STK3: variants seen among roughly 807,000 people sequenced by gnomAD.
The protein encoded by STK3 is serine/threonine-protein kinase 3.
Under a neutral mutation model 58.0 loss-of-function variants are expected in STK3, and 41 were observed. That is an observed-to-expected ratio of 0.71 (90% CI 0.55 to 0.92). The LOEUF is 0.92. STK3 is among the 40% of genes least tolerant of loss of function. The pLI is 0.00. For synonymous variants in STK3, 170 were observed against 191.0 expected, an observed-to-expected ratio of 0.89 and a Z score of 0.91; for missense variants, 479 against 602.7, an observed-to-expected ratio of 0.79 and a Z score of 2.15.
intron 7 of STK3, among the ~76,000 whole-genome samples, chr8:98,589,343 T>C (rs1357524338): frequency 6.6e-6 from 1 of 152,206 alleles, no homozygotes; most frequent in Non-Finnish European, 1.5e-5. Context: ...GCAGGTCTGT[T>C]GGAGTAACCT....
chr8:98,820,859 T>C (rs1834851707), intron 1 of STK3, among the ~76,000 whole-genome samples: 1 of 152,072 alleles, frequency 6.6e-6, no homozygotes, highest in Non-Finnish European at 1.5e-5. Flanking sequence ...GCGCCTGCAG[T>C]CCCAGCTACT....
intron 9 of STK3, among the ~76,000 whole-genome samples, chr8:98,531,052 G>A (rs569118116): frequency 3.3e-5 from 5 of 152,280 alleles, no homozygotes; most frequent in African/African-American, 1.2e-4. Context: ...AGTCATCCAT[G>A]AGGGTTGGAA....
chr8:98,470,429 T>G (rs979200200), intron 10 of STK3, among the ~76,000 whole-genome samples: 7 of 152,188 alleles, frequency 4.6e-5, no homozygotes, highest in Non-Finnish European at 8.8e-5. Flanking sequence ...ACAGTCATAG[T>G]CTTAATCATT....
rs533463436 is a variant in STK3 at position 98,446,966 on chromosome 8, C to T, written n.186-9758G>A. On this transcript the variant is annotated intron_variant and non_coding_transcript_variant, in intron 1 of 3. Transcript: ENST00000517832. ...CATGGATGGAGTTGGAAGCCATTAT[C>T]GTTAGCAAACAAACACAGGAACAGA... 7.7e-4 allele frequency among the ~76,000 whole-genome samples: 117 copies of T among 152,184 alleles called. 1 individual carries two copies. Among genetic ancestry groups the T allele is most frequent in the African/African-American group, 2.6e-3 (107 of 41,522 alleles).
intron 3 of STK3, among the ~76,000 whole-genome samples, chr8:98,835,429 C>T (rs1006872262): frequency 6.6e-6 from 1 of 152,168 alleles, no homozygotes; most frequent in Admixed American, 6.5e-5. Context: ...GGCTCCTGCA[C>T]CCAGGGCTGC....
At chr8:98,882,450 C>A (rs1188466261), downstream of STK3, 4 of 140,944 alleles carry the variant, frequency 2.8e-5, no homozygotes, top group Non-Finnish European at 4.5e-5. Flanking sequence ...CAGTCTTGCT[C>A]TGTTGCACAG....
intron 6 of STK3, among the ~76,000 whole-genome samples, chr8:98,665,332 A>T (rs1822256721): frequency 6.6e-6 from 1 of 152,206 alleles, no homozygotes; most frequent in Non-Finnish European, 1.5e-5. Flanking sequence ...TCAAAATTTT[A>T]AAATGTCATC....
chr8:98,663,087 G>C (rs563885886), intron 6 of STK3, among the ~76,000 whole-genome samples: 15 of 152,216 alleles, frequency 9.9e-5, no homozygotes, highest in Admixed American at 3.9e-4. Flanking sequence ...CCAGAGTGAA[G>C]AGGCAACCTA....
chr8:98,930,104 C>T (rs1309427611), intron 1 of STK3, among the ~76,000 whole-genome samples: 1 of 152,134 alleles, frequency 6.6e-6, no homozygotes, highest in East Asian at 1.9e-4. Context: ...CTAGTCCCAT[C>T]CTGGGCTCAC....
In STK3 at chr8:98,835,385, G is replaced by A. The variant is rs183637423; in HGVS notation, c.110+48262C>T. Among the ~76,000 whole-genome samples the A allele has an allele frequency of 2.3e-4, 35 of 152,282 alleles. No homozygotes were observed. The East Asian group carries it at 5.4e-3, about 24-fold the overall frequency. On this transcript the variant is annotated intron_variant, in intron 3 of 12. Coordinates refer to the STK3 transcript ENST00000523601. ...TGGAGAGACATTGCAAAAGAAAAAGGTTTCCTTCCTGGTGGGCATATGTTC... is the reference window on the plus strand; with the variant it reads ...TGGAGAGACATTGCAAAAGAAAAAGATTTCCTTCCTGGTGGGCATATGTTC...
At chr8:98,376,949 A>G (rs1000944993) in intron 2 of STK3, among the ~76,000 whole-genome samples, 2 of 152,114 alleles carry the variant, frequency 1.3e-5, no homozygotes, top group African/African-American at 2.4e-5. Context: ...AACTTTTACC[A>G]TTGACATCTT....
At chr8:98,420,497 A>G (rs1263014950) in intron 3 of STK3, among the ~76,000 whole-genome samples, 1 of 152,224 alleles carries the variant, frequency 6.6e-6, no homozygotes, top group Non-Finnish European at 1.5e-5. Context: ...GATTGGTACT[A>G]TCTGTAGTTT....
rs2515215 is a variant in STK3 at position 98,800,665 on chromosome 8, T to C, written c.26+24850A>G. On this transcript the variant is annotated intron_variant, in intron 1 of 10. Transcript: ENST00000419617. This position sits in a 1 kb window ranked among gnomAD's most constrained non-coding sequence, Gnocchi z 4.8. ...GAGTTCCGGGTGGGTGTGGGCTTGATGGGCCCCGCACTCAGAGTGGCCAGC... is the reference window on the plus strand; with the variant it reads ...GAGTTCCGGGTGGGTGTGGGCTTGACGGGCCCCGCACTCAGAGTGGCCAGC... 0.73 allele frequency among the ~76,000 whole-genome samples: 110,557 copies of C among 152,094 alleles called. 40,798 individuals carry two copies. Among genetic ancestry groups the C allele is most frequent in the African/African-American group, 0.86 (35,539 of 41,534 alleles).
intron 8 of STK3, among the ~76,000 whole-genome samples, chr8:98,557,048 G>T (rs533781397): frequency 1.1e-4 from 16 of 151,980 alleles, no homozygotes; most frequent in Non-Finnish European, 2.2e-4. Context: ...TATGATCAAG[G>T]AAATGAAATC....
intron 1 of STK3, among the ~76,000 whole-genome samples, chr8:98,440,861 G>C (rs1362091450): frequency 6.6e-6 from 1 of 152,114 alleles, no homozygotes; most frequent in Admixed American, 6.5e-5. Flanking sequence ...GTATCCCAAG[G>C]CCACATTTAA....
chr8:98,712,916 G>C (rs994948188), intron 4 of STK3, among the ~76,000 whole-genome samples: 1 of 152,166 alleles, frequency 6.6e-6, no homozygotes, highest in Non-Finnish European at 1.5e-5. Context: ...TAAAAGAACA[G>C]AAATTATAAC....
intron 4 of STK3, among the ~76,000 whole-genome samples, chr8:98,725,196 T>G (rs1318361354): frequency 6.6e-6 from 1 of 152,022 alleles, no homozygotes; most frequent in African/African-American, 2.4e-5. Context: ...CTAAAATATA[T>G]CAGAAGTTGA....
chr8:98,835,403 A>C (rs776074898), intron 3 of STK3, among the ~76,000 whole-genome samples: 1 of 152,216 alleles, frequency 6.6e-6, no homozygotes, highest in Non-Finnish European at 1.5e-5. Flanking sequence ...CCTGGTGGGC[A>C]TATGTTCCCT....
chr8:98,543,540 G>A (rs1810457524), intron 9 of STK3, among the ~76,000 whole-genome samples: 1 of 152,072 alleles, frequency 6.6e-6, no homozygotes, highest in South Asian at 2.1e-4. Flanking sequence ...GAAGGGTGAA[G>A]GAAGAAACGG....
Sources: allele counts gnomAD v4.1 joint callset (sites outside exome capture counted in the v4.1 genomes callset), GRCh38; gene constraint gnomAD v4.1.1; non-coding constraint Gnocchi (gnomAD v3.1); transcripts MANE v1.5; gene names NCBI Gene and HGNC (gene_info 2026-07-23, HGNC 2026-07-21).